The following MTX3 variants were observed in gnomAD, a reference collection of about 807,000 sequenced individuals.
MTX3 encodes metaxin-3.
In MTX3, 27 loss-of-function variants were observed where a neutral mutation model predicts 42.5. That is an observed-to-expected ratio of 0.64 (90% confidence interval 0.47 to 0.88). The LOEUF (loss-of-function observed/expected upper bound fraction) is 0.88, where lower values mean the gene tolerates loss of function less well. MTX3 is among the 40% of genes least tolerant of loss of function. MTX3 has a pLI of 0.00. For synonymous variants in MTX3, 144 were observed against 132.9 expected, an observed-to-expected ratio of 1.08 and a Z score of -0.57; for missense variants, 378 against 367.0, an observed-to-expected ratio of 1.03 and a Z score of -0.25.
rs115093016 is a variant in MTX3, at chr5:79,982,395, A to G, written c.*1289T>C. On this transcript the variant is annotated 3_prime_UTR_variant, in exon 9 of 9. Transcript: ENST00000512528. Reference sequence around the variant, plus strand: ...TTTTGACTACAAAGCTCATTTTCTTAACATATGGGTTCCTGCACGACTTGA... The same window carrying G: ...TTTTGACTACAAAGCTCATTTTCTTGACATATGGGTTCCTGCACGACTTGA... The G allele has an allele frequency of 6.5e-3, 2,949 of 456,612 alleles. 14 individuals are homozygous for G. The highest frequency in any genetic ancestry group is 0.01 in the Non-Finnish European group (2,287 of 226,894). The allele number at this position is 456,612 out of a possible 1,614,324, so 28.3% of individuals were successfully genotyped here. A position where few individuals can be genotyped will look rare whatever the true frequency, so the allele number is the denominator to read the frequency against.
intron 1 of MTX3, 40 bp from the exon 2 acceptor site, chr5:79,990,703 C>A: frequency 6.8e-7 from 1 of 1,461,454 alleles, no homozygotes; most frequent in Non-Finnish European, 9.6e-7. Flanking sequence ...AGACCAAGTG[C>A]GTAATGCAAA....
intron 4 of MTX3, among the ~76,000 whole-genome samples, 171 bp from the exon 5 acceptor site, chr5:79,988,815 T>C (rs939527655): frequency 2.0e-5 from 3 of 152,224 alleles, no homozygotes; most frequent in African/African-American, 2.4e-5. Context: ...GTGAGTTTTG[T>C]TGACTGCTAT....
At position 79,976,863 on chromosome 5, in the gene MTX3, A is replaced by G. The variant is rs1357370140; in HGVS notation, c.*6821T>C. ...TATTTGTACATAGTCTCTGAGTAAA[A>G]TATATTCACACTCGGCAAGGCTAGA... On this transcript the variant is annotated 3_prime_UTR_variant, in exon 9 of 9. Transcript: ENST00000512528. The G allele has an allele frequency of 6.6e-6, 1 of 152,638 alleles. No individual in the cohort carries two copies. The highest frequency in any genetic ancestry group is 1.5e-5 in the Non-Finnish European group (1 of 68,048). 9.5% of individuals were successfully genotyped at this position (152,638 alleles called of 1,614,324 possible). A position where few individuals can be genotyped will look rare whatever the true frequency, so the allele number is the denominator to read the frequency against.
In MTX3 at chr5:79,983,588, A is replaced by G; in HGVS notation, c.*96T>C. 1 of 858,566 alleles carries G rather than the reference A, an allele frequency of 1.2e-6. No homozygotes were observed. Among genetic ancestry groups the G allele is most frequent in the South Asian group, 1.4e-5 (1 of 72,600 alleles). The allele number at this position is 858,566 out of a possible 1,614,324, so 53.2% of individuals were successfully genotyped here. On this transcript the variant is annotated 3_prime_UTR_variant, in exon 9 of 9. Coordinates refer to ENST00000512528, the MANE Select transcript of MTX3 (RefSeq NM_001363818.2). ...TTCCTTTTGGTTTAGAGTCTTCCTT[A>G]ATACCTATTATGGTATCTTCTTTTT...
chr5:79,988,712 TGA>T, intron 4 of MTX3, 68 bp from the exon 5 acceptor site: 3 of 1,349,290 alleles, frequency 2.2e-6, no homozygotes, highest in Non-Finnish European at 3.0e-6. Flanking sequence ...TCAATCAACA[TGA>T]GAGTTTTTCA....
rs1831658402 is a variant in MTX3, at chr5:79,991,209, C to G, written c.30G>C (p.Trp10Cys). The change falls in exon 1 of 9, where the codon TGG (tryptophan) becomes TGC (cysteine). Residue 10 changes from tryptophan (W) to cysteine (C), a missense_variant. Coordinates refer to ENST00000512528, the MANE Select transcript of MTX3 (RefSeq NM_001363818.2). MAAPLELSC[W>C]GGGWGLPSVH... ...CCGATGGGAGTCCCCAGCCGCCTCC[C>G]CAGCAACTGAGTTCCAAGGGGGCCG... 4.7e-6 allele frequency: 7 copies of G among 1,477,776 alleles called. No homozygotes were observed. The South Asian group carries it at 9.5e-5, about 20-fold the overall frequency. 91.5% of individuals were successfully genotyped at this position (1,477,776 alleles called of 1,614,324 possible). A position where few individuals can be genotyped will look rare whatever the true frequency, so the allele number is the denominator to read the frequency against.
Position 79,981,609 on chromosome 5 carries a change from T to G in MTX3, c.*2075A>C, listed in dbSNP as rs1222731075. On this transcript the variant is annotated 3_prime_UTR_variant, in exon 9 of 9. Transcript: ENST00000512528. The stretch of plus-strand genomic sequence containing the variant: ...ACTTTAAACACATTTTTCTTCCTAA[T>G]AGACATTAGCAGTTTTGTTGAAAAG... The G allele has an allele frequency of 1.3e-5, 2 of 152,194 alleles. No homozygotes were observed. Among genetic ancestry groups the G allele is most frequent in the Non-Finnish European group, 1.5e-5 (1 of 68,024 alleles). 9.4% of individuals were successfully genotyped at this position (152,194 alleles called of 1,614,324 possible).
intron 7 of MTX3, among the ~76,000 whole-genome samples, chr5:79,985,924 G>GTTT (rs59185045): frequency 7.6e-4 from 75 of 98,296 alleles, no homozygotes; most frequent in Middle Eastern, 0.011. Flanking sequence ...ACAATAATTA[G>GTTT]TTTTTTTTTT....
intron 3 of MTX3, 121 bp downstream of exon 3, chr5:79,990,039 C>G: frequency 2.0e-6 from 1 of 512,586 alleles, no homozygotes; most frequent in East Asian, 3.3e-5. Context: ...ATTTTTACAT[C>G]TTGTCCCAGG....
rs116237539 is a variant in MTX3, at chr5:79,988,779, G to A, written c.322-135C>T. ...CAAATTTTCCAGTTAGAATGACTCA[G>A]GATAAAACAAGATTATTTTAAATGT... On this transcript the variant is annotated intron_variant, in intron 4 of 8. Coordinates refer to ENST00000512528, the MANE Select transcript of MTX3 (RefSeq NM_001363818.2). 3.4e-3 allele frequency: 2,754 copies of A among 803,700 alleles called. 60 individuals carry two copies. The African/African-American group carries it at 0.043, about 13-fold the overall frequency. 49.8% of individuals were successfully genotyped at this position (803,700 alleles called of 1,614,324 possible).
rs1831369043 is a variant in MTX3, at chr5:79,981,355, G to A, written c.*2329C>T. The A allele has an allele frequency of 6.6e-6, 1 of 152,150 alleles. No individual in the cohort carries two copies. Among genetic ancestry groups the A allele is most frequent in the Admixed American group, 6.5e-5 (1 of 15,274 alleles). The allele number at this position is 152,150 out of a possible 1,614,324, so 9.4% of individuals were successfully genotyped here. A position where few individuals can be genotyped will look rare whatever the true frequency, so the allele number is the denominator to read the frequency against. ...GTTGCATCTTAGAAAAGGTGATCTG[G>A]AAGCATTATGGACTATAGTGAGAAT... is the stretch of plus-strand genomic sequence containing the variant. On this transcript the variant is annotated 3_prime_UTR_variant, in exon 9 of 9. Coordinates refer to ENST00000512528, the MANE Select transcript of MTX3 (RefSeq NM_001363818.2).
At position 79,990,647 on chromosome 5, in the gene MTX3, G is replaced by A. The variant is rs1191743358; in HGVS notation, c.98C>T (p.Ser33Phe). The A allele has an allele frequency of 6.2e-7, 1 of 1,613,418 alleles. No individual in the cohort carries two copies. The highest frequency in any genetic ancestry group is 1.7e-5 in the Admixed American group (1 of 59,982). ...SLVVMAYAKF[S>F]GAPLKVNVID... ...CACATTGACTTTCAAGGGTGCACCAGAAAATTTGGCATAAGCCTGAAACAG... is the reference window on the plus strand; with the variant it reads ...CACATTGACTTTCAAGGGTGCACCAAAAAATTTGGCATAAGCCTGAAACAG... Residue 33 changes from serine (S) to phenylalanine (F), a missense_variant, in exon 2 of 9, where the codon TCT becomes TTT. By Grantham distance (155) the Ser-to-Phe change is radical (BLOSUM62 -2). Transcript: ENST00000512528.
rs1382320090 is a variant in MTX3, at chr5:79,980,828, C to A, written c.*2856G>T. 1.3e-5 allele frequency: 2 copies of A among 152,152 alleles called. No individual in the cohort carries two copies. The highest frequency in any genetic ancestry group is 4.8e-5 in the African/African-American group (2 of 41,428). The allele number at this position is 152,152 out of a possible 1,614,324, so 9.4% of individuals were successfully genotyped here. On this transcript the variant is annotated 3_prime_UTR_variant, in exon 9 of 9. Coordinates refer to ENST00000512528, the MANE Select transcript of MTX3 (RefSeq NM_001363818.2). ...AACATATCATGACAGGCTGGTCCAA[C>A]AGTCTGTTCAGTCTGAAAAAATGTT...
chr5:79,980,711 TCCA>T lies in MTX3; in HGVS notation c.*2970_*2972del, dbSNP rs1831354201. ...CATGTTCCCTTTAATCATATTATCC[TCCA>T]CCATTACTTCCAAAAGGCATTGGCT... On this transcript the variant is annotated 3_prime_UTR_variant, in exon 9 of 9. Coordinates refer to ENST00000512528, the MANE Select transcript of MTX3 (RefSeq NM_001363818.2). The T allele has an allele frequency of 6.6e-6, 1 of 152,342 alleles. No homozygotes were observed. The highest frequency in any genetic ancestry group is 2.4e-5 in the African/African-American group (1 of 41,572). The allele number at this position is 152,342 out of a possible 1,614,324, so 9.4% of individuals were successfully genotyped here.
At chr5:79,983,829 C>CTTATGTGGCTTA (rs1831428271) in intron 8 of MTX3, 35 bp from the exon 9 acceptor site, 1 of 1,422,598 alleles carries the variant, frequency 7.0e-7, no homozygotes, top group Non-Finnish European at 9.9e-7. Context: ...CTGACTAATG[C>CTTATGTGGCTTA]TGTGGCACCG....
chr5:79,989,188 A>G lies in MTX3; in HGVS notation c.285T>C (p.Tyr95=), dbSNP rs1422198917. Residue 95 remains tyrosine (Y), a synonymous_variant, in exon 4 of 9, where the codon TAT becomes TAC. Transcript: ENST00000512528. ...GAAGCTTCTCTTCGAGGAGAGCAATATAAGCCAATGTATCTGCCCCTTGTT... is the reference window on the plus strand; with the variant it reads ...GAAGCTTCTCTTCGAGGAGAGCAATGTAAGCCAATGTATCTGCCCCTTGTT... ...SAKQGADTLA[Y]IALLEEKLLP... is the part of the protein sequence containing the mutation. 1.2e-6 allele frequency: 2 copies of G among 1,609,462 alleles called. No homozygotes were observed. Among genetic ancestry groups the G allele is most frequent in the Admixed American group, 3.4e-5 (2 of 59,596 alleles).
intron 7 of MTX3, among the ~76,000 whole-genome samples, chr5:79,986,485 T>A (rs1831493042): frequency 6.6e-6 from 1 of 152,218 alleles, no homozygotes; most frequent in African/African-American, 2.4e-5. Context: ...TCTGATGCAA[T>A]CAGTTTTCAA....
At chr5:79,983,907 G>A in intron 8 of MTX3, 113 bp from the exon 9 acceptor site, 1 of 623,584 alleles carries the variant, frequency 1.6e-6, no homozygotes, top group Non-Finnish European at 2.8e-6. Flanking sequence ...ATGTTTCCTG[G>A]GCTGCTAGAG....
chr5:79,985,930 T>G (rs1479673742), intron 7 of MTX3, among the ~76,000 whole-genome samples: 1 of 118,142 alleles, frequency 8.5e-6, no homozygotes, highest in Non-Finnish European at 1.8e-5. Context: ...ATTAGTTTTT[T>G]TTTTTTTTTG....
Sources: allele counts gnomAD v4.1 joint callset (sites outside exome capture counted in the v4.1 genomes callset), GRCh38; gene constraint gnomAD v4.1.1; transcripts MANE v1.5; gene names NCBI Gene and HGNC (gene_info 2026-07-23, HGNC 2026-07-21).